GSAP: variants seen among roughly 807,000 people sequenced by gnomAD.
The protein encoded by GSAP is gamma-secretase activating protein.
In GSAP, 118 loss-of-function variants were observed where a neutral mutation model predicts 131.7. The ratio of observed to expected loss-of-function variants is 0.90; its 90% CI spans 0.77 to 1.04. The LOEUF (loss-of-function observed/expected upper bound fraction) is 1.04. Ranked by LOEUF, GSAP falls within the 50% of genes least tolerant of loss-of-function variation. The pLI, the probability that GSAP is intolerant of heterozygous loss-of-function variation, is 0.00. For missense variants in GSAP, 1,019 were observed against 1,013.2 expected (o/e 1.01, Z -0.08); for synonymous variants, 381 against 363.4 (o/e 1.05, Z -0.55).
At chr7:77,311,795 G>A (rs1419459233) in intron 30 of GSAP, 46 bp downstream of exon 30, 4 of 915,760 alleles carry the variant, frequency 4.4e-6, no homozygotes, top group African/African-American at 3.2e-5. Flanking sequence ...GGACTGATGT[G>A]TCAAGGGAAA....
At chr7:77,377,258 A>AAAAAAAAAAAAAAAATT in intron 9 of GSAP, 28 bp downstream of exon 9, 1 of 1,400,734 alleles carries the variant, frequency 7.1e-7, no homozygotes, top group Non-Finnish European at 9.4e-7. Context: ...AAAAAAAAAA[A>AAAAAAAAAAAAAAAATT]GGAGTGCCCG....
chr7:77,340,733 T>C (rs1432693319), intron 19 of GSAP, among the ~76,000 whole-genome samples: 1 of 152,164 alleles, frequency 6.6e-6, no homozygotes, highest in East Asian at 1.9e-4. Flanking sequence ...CCACACTCCA[T>C]TGGTGTCTGA....
chr7:77,386,696 A>G (rs575180853), intron 6 of GSAP, among the ~76,000 whole-genome samples: 1 of 152,316 alleles, frequency 6.6e-6, no homozygotes, highest in South Asian at 2.1e-4. Flanking sequence ...AATCGCCAGG[A>G]AAAAGCACAA....
chr7:77,328,496 C>T (rs954320160), intron 22 of GSAP, 110 bp downstream of exon 22: 3 of 1,496,396 alleles, frequency 2.0e-6, no homozygotes, highest in Non-Finnish European at 8.9e-7. Flanking sequence ...GCTGCCTGCA[C>T]CACACTACTG....
At chr7:77,374,902 G>A (rs947148628) in intron 11 of GSAP, among the ~76,000 whole-genome samples, 156 bp downstream of exon 11, 2 of 152,138 alleles carry the variant, frequency 1.3e-5, no homozygotes, top group African/African-American at 4.8e-5. Flanking sequence ...GTTTGATAAA[G>A]TTGTTTATAT....
chr7:77,361,662 A>C (rs1405451978), intron 13 of GSAP, among the ~76,000 whole-genome samples: 1 of 152,218 alleles, frequency 6.6e-6, no homozygotes, highest in Non-Finnish European at 1.5e-5. Flanking sequence ...ATCTTTAAAA[A>C]AATTTAAATA....
intron 12 of GSAP, among the ~76,000 whole-genome samples, chr7:77,363,159 T>A (rs1035738900): frequency 6.6e-6 from 1 of 152,362 alleles, no homozygotes; most frequent in East Asian, 1.9e-4. Flanking sequence ...TGTGAGTCCA[T>A]ATCCATCCGT....
intron 19 of GSAP, among the ~76,000 whole-genome samples, chr7:77,331,193 C>A (rs970105940): frequency 6.6e-6 from 1 of 152,088 alleles, no homozygotes; most frequent in Non-Finnish European, 1.5e-5. Context: ...CCCAGCTACT[C>A]AGGAGGCTGA....
chr7:77,366,338 C>G (rs151096556), intron 12 of GSAP, among the ~76,000 whole-genome samples: 1 of 152,038 alleles, frequency 6.6e-6, no homozygotes, highest in East Asian at 1.9e-4. Flanking sequence ...GTATTGCCTA[C>G]GTTTTCTTTC....
In GSAP at chr7:77,313,515, T is replaced by A; in HGVS notation, c.2244A>T (p.Lys748Asn). The change falls in exon 28 of 31, where the codon AAA becomes AAT. Residue 748 changes from lysine (K) to asparagine (N), a missense_variant. Lys to Asn is a moderately conservative substitution (Grantham distance 94). Transcript: ENST00000257626. Reference sequence around the variant, plus strand: ...GAGGAAGCCGCACAATGATACTGAATTTCAGTTTTTCATTTTTCTCTGTAT... The same window carrying A: ...GAGGAAGCCGCACAATGATACTGAAATTCAGTTTTTCATTTTTCTCTGTAT... Reference protein sequence around the residue: ...LDNTEKNEKLKFSIIVRLPPL... With the variant: ...LDNTEKNEKLNFSIIVRLPPL... The A allele has an allele frequency of 6.4e-7, 1 of 1,568,646 alleles. No homozygotes were observed. The highest frequency in any genetic ancestry group is 8.8e-7 in the Non-Finnish European group (1 of 1,139,794).
chr7:77,353,234 T>A (rs145883408), intron 17 of GSAP, among the ~76,000 whole-genome samples: 2 of 152,046 alleles, frequency 1.3e-5, no homozygotes, highest in Non-Finnish European at 2.9e-5. Context: ...TAGTACCATA[T>A]CTACCCAAAT....
At chr7:77,397,956 G>C (rs1379068571) in intron 3 of GSAP, among the ~76,000 whole-genome samples, 1 of 152,162 alleles carries the variant, frequency 6.6e-6, no homozygotes. Flanking sequence ...TTCATATTTA[G>C]AGGACTGGGA....
At chr7:77,340,805 G>A (rs901112585) in intron 19 of GSAP, among the ~76,000 whole-genome samples, 7 of 151,936 alleles carry the variant, frequency 4.6e-5, no homozygotes, top group Non-Finnish European at 2.9e-5. Flanking sequence ...AGTCAATTGC[G>A]GGGATGCCTG....
Position 77,353,516 on chromosome 7 carries a change from C to T in GSAP, c.1408+56G>A, listed in dbSNP as rs960882083. The T allele has an allele frequency of 4.4e-6, 5 of 1,124,750 alleles. No individual in the cohort carries two copies. In the Admixed American group the frequency reaches 8.8e-5, roughly 20 times the overall value. 69.7% of individuals were successfully genotyped at this position (1,124,750 alleles called of 1,614,324 possible). On this transcript the variant is annotated intron_variant, in intron 17 of 30. Transcript: ENST00000257626. The stretch of plus-strand genomic sequence containing the variant: ...GCATTCACTATCAATTTACTGCTTT[C>T]CCTCAAGCAAAAAGGTCAAGTATTC...
At chr7:77,402,895 A>C (rs1300865899) in intron 3 of GSAP, among the ~76,000 whole-genome samples, 2 of 152,158 alleles carry the variant, frequency 1.3e-5, no homozygotes, top group African/African-American at 2.4e-5. Flanking sequence ...TTGTCACTGG[A>C]AAATTTTTGA....
At chr7:77,365,091 G>A (rs1438502764) in intron 12 of GSAP, among the ~76,000 whole-genome samples, 1 of 152,086 alleles carries the variant, frequency 6.6e-6, no homozygotes, top group Non-Finnish European at 1.5e-5. Flanking sequence ...CTTCCAAATA[G>A]CTAGGACTAC....
At chr7:77,330,466 G>GTCCA in intron 19 of GSAP, 99 bp from the exon 20 acceptor site, 1 of 1,480,750 alleles carries the variant, frequency 6.8e-7, no homozygotes, top group Non-Finnish European at 9.0e-7. Flanking sequence ...AGCTCTCAGG[G>GTCCA]TCCACATTTC....
At chr7:77,338,240 C>T (rs1400378848) in intron 19 of GSAP, among the ~76,000 whole-genome samples, 1 of 152,120 alleles carries the variant, frequency 6.6e-6, no homozygotes, top group African/African-American at 2.4e-5. Context: ...ATGAAAGTTG[C>T]CGTTTCCCTA....
At position 77,390,841 on chromosome 7, in the gene GSAP, C is replaced by T. The variant is rs1403802886; in HGVS notation, c.368-3393G>A. ...GCACACGCCTGTAGTCCCAGCTACCCGGGAGGCTAAGGCAGGAGACTCGCT... is the reference window on the plus strand; with the variant it reads ...GCACACGCCTGTAGTCCCAGCTACCTGGGAGGCTAAGGCAGGAGACTCGCT... On this transcript the variant is annotated intron_variant, in intron 5 of 30. Transcript: ENST00000257626. 9.4e-5 allele frequency among the ~76,000 whole-genome samples: 14 copies of T among 148,942 alleles called. No individual in the cohort carries two copies. In the East Asian group the frequency reaches 9.9e-4, roughly 11 times the overall value.
Sources: gnomAD v4.1 joint callset for allele counts (sites outside exome capture counted in the v4.1 genomes callset) on GRCh38, gnomAD v4.1.1 for gene constraint, MANE v1.5 for transcripts, NCBI Gene and HGNC (gene_info 2026-07-23, HGNC 2026-07-21) for gene names.